Variants in EFCAB6 observed in about 807,000 individuals in gnomAD.
EFCAB6 encodes EF-hand calcium-binding domain-containing protein 6.
Under a neutral mutation model 169.8 loss-of-function variants are expected in EFCAB6, and 156 were observed. The ratio of observed to expected loss-of-function variants is 0.92; its 90% CI spans 0.81 to 1.05. The LOEUF (loss-of-function observed/expected upper bound fraction) is 1.05, where lower values mean the gene tolerates loss of function less well. EFCAB6 is among the 50% of genes least tolerant of loss of function. EFCAB6 has a pLI of 0.00. For synonymous variants in EFCAB6, 698 were observed against 676.4 expected (o/e 1.03, Z -0.50); for missense variants, 1,800 against 1,829.1 (o/e 0.98, Z 0.29).
chr22:43,788,030 G>A (rs879922323), intron 2 of EFCAB6, among the ~76,000 whole-genome samples: 14 of 152,050 alleles, frequency 9.2e-5, no homozygotes, highest in South Asian at 2.1e-4. Context: ...AACGAACAGC[G>A]CCAAAGAGTG....
intron 3 of EFCAB6, among the ~76,000 whole-genome samples, chr22:43,774,563 C>A (rs2061579177): frequency 6.6e-6 from 1 of 151,362 alleles, no homozygotes; most frequent in African/African-American, 2.4e-5. Flanking sequence ...ATGCCCACAG[C>A]CTCAGGGAGG....
At position 43,666,521 on chromosome 22, in the gene EFCAB6, G is replaced by T. The variant is rs992477047; in HGVS notation, c.1983+583C>A. ...AATGCTTTCCTTAAAAATAGCTGAG[G>T]ATGATTAGCTAGAGGGATCGTAATA... On this transcript the variant is annotated intron_variant, in intron 17 of 31. Coordinates refer to ENST00000262726, the MANE Select transcript of EFCAB6 (RefSeq NM_022785.4). Among the ~76,000 whole-genome samples, 20 of 152,134 alleles carry T rather than the reference G, an allele frequency of 1.3e-4. 1 individual carries two copies. The highest frequency in any genetic ancestry group is 5.2e-4 in the Admixed American group (8 of 15,272).
At chr22:43,727,307 G>C (rs564261259) in intron 8 of EFCAB6, among the ~76,000 whole-genome samples, 1 of 152,218 alleles carries the variant, frequency 6.6e-6, no homozygotes, top group East Asian at 1.9e-4. Context: ...GCATGCCTGT[G>C]GTCCTAGCTG....
At chr22:43,644,711 T>C (rs2056043103) in intron 17 of EFCAB6, among the ~76,000 whole-genome samples, 1 of 152,198 alleles carries the variant, frequency 6.6e-6, no homozygotes, top group Non-Finnish European at 1.5e-5. Flanking sequence ...ATGATGACAA[T>C]GATAAGCTGG....
rs6006542 is a variant in EFCAB6, at chr22:43,783,400, G to T, written c.-7-1075C>A. ...TTCCCAGGGAGAGGTGTGTGCTCAGGAAAGACCTGAGAAGGCCCTAACCTC... is the reference window on the plus strand; with the variant it reads ...TTCCCAGGGAGAGGTGTGTGCTCAGTAAAGACCTGAGAAGGCCCTAACCTC... On this transcript the variant is annotated intron_variant, in intron 2 of 31. Coordinates refer to ENST00000262726, the MANE Select transcript of EFCAB6 (RefSeq NM_022785.4). Among the ~76,000 whole-genome samples the T allele has an allele frequency of 4.2e-3, 647 of 152,266 alleles. 8 individuals carry two copies. Among genetic ancestry groups the T allele is most frequent in the African/African-American group, 0.015 (620 of 41,544 alleles).
rs1208347375 is a variant in EFCAB6, at chr22:43,547,694, A to G, written c.3648+7175T>C. ...GTGGGAGGATAGTTTGAGCCAGAGA[A>G]GTTGAGGTTGTAGTGAGCCGTGATC... On this transcript the variant is annotated intron_variant, in intron 27 of 31. Transcript: ENST00000262726. 3.3e-5 allele frequency among the ~76,000 whole-genome samples: 5 copies of G among 151,778 alleles called. No homozygotes were observed. The East Asian group carries it at 5.8e-4, about 18-fold the overall frequency.
Position 43,689,349 on chromosome 22 carries a change from GCACACA to G in EFCAB6, c.1032-1774_1032-1769del, listed in dbSNP as rs3221390. ...GTGGGCCACGTGAGGGAGAGCACGT[GCACACA>G]CACACACACACACACACACACACAG... On this transcript the variant is annotated intron_variant, in intron 10 of 31. Coordinates refer to ENST00000262726, the MANE Select transcript of EFCAB6 (RefSeq NM_022785.4). Among the ~76,000 whole-genome samples the G allele has an allele frequency of 2.1e-3, 312 of 147,068 alleles. 1 individual carries two copies. The highest frequency in any genetic ancestry group is 7.3e-3 in the African/African-American group (286 of 39,294).
chr22:43,609,434 A>G (rs2053152672), intron 21 of EFCAB6, among the ~76,000 whole-genome samples: 2 of 152,236 alleles, frequency 1.3e-5, no homozygotes, highest in Admixed American at 6.5e-5. Context: ...GAATCCACAA[A>G]TAAATTATTA....
intron 20 of EFCAB6, among the ~76,000 whole-genome samples, chr22:43,625,836 CGAA>C (rs974801429): frequency 1.6e-4 from 24 of 152,182 alleles, no homozygotes; most frequent in African/African-American, 5.1e-4. Flanking sequence ...CATCAGTTCC[CGAA>C]GAAGAAGGTT....
intron 4 of EFCAB6, among the ~76,000 whole-genome samples, chr22:43,765,773 C>A (rs2061308724): frequency 6.6e-6 from 1 of 152,028 alleles, no homozygotes. Flanking sequence ...GTCACGTGAA[C>A]TTTGTACACG....
At chr22:43,596,965 AT>A (rs1346774117) in intron 23 of EFCAB6, among the ~76,000 whole-genome samples, 1 of 152,186 alleles carries the variant, frequency 6.6e-6, no homozygotes, top group African/African-American at 2.4e-5. Context: ...CAGCAAATTC[AT>A]TTTTGTCAAA....
chr22:43,598,603 T>C (rs1296975508), intron 23 of EFCAB6, among the ~76,000 whole-genome samples: 1 of 152,184 alleles, frequency 6.6e-6, no homozygotes, highest in Non-Finnish European at 1.5e-5. Flanking sequence ...TATTTCAAAG[T>C]AGCTAGATTT....
chr22:43,772,777 C>G, intron 4 of EFCAB6, 115 bp downstream of exon 4: 1 of 1,123,950 alleles, frequency 8.9e-7, no homozygotes, highest in Non-Finnish European at 1.3e-6. Flanking sequence ...AAAAACAAAA[C>G]TTCAACTGCT....
chr22:43,596,993 A>T (rs1008052828), intron 23 of EFCAB6, among the ~76,000 whole-genome samples: 2 of 152,200 alleles, frequency 1.3e-5, no homozygotes, highest in East Asian at 3.8e-4. Context: ...GAGAACACAC[A>T]CTGGGGAAAG....
chr22:43,714,455 T>C (rs2059262836), intron 9 of EFCAB6, among the ~76,000 whole-genome samples: 1 of 152,056 alleles, frequency 6.6e-6, no homozygotes, highest in Non-Finnish European at 1.5e-5. Flanking sequence ...TCCATCACAC[T>C]GTATTCCAGG....
At chr22:43,561,465 G>T (rs995156820) in intron 26 of EFCAB6, among the ~76,000 whole-genome samples, 6 of 152,064 alleles carry the variant, frequency 3.9e-5, no homozygotes, top group African/African-American at 1.4e-4. Flanking sequence ...CACTGTCATT[G>T]CCTCAGAGCA....
chr22:43,544,061 ACTT>A (rs2047901707), intron 27 of EFCAB6, among the ~76,000 whole-genome samples: 1 of 151,064 alleles, frequency 6.6e-6, no homozygotes, highest in Non-Finnish European at 1.5e-5. Flanking sequence ...CCACACAACT[ACTT>A]CTTCACTCCA....
chr22:43,592,042 G>T (rs2051592235), intron 23 of EFCAB6, among the ~76,000 whole-genome samples: 1 of 152,190 alleles, frequency 6.6e-6, no homozygotes. Context: ...TCCTAGAAAT[G>T]AAATCTTTGG....
chr22:43,808,357 G>A (rs1279004996), intron 2 of EFCAB6, among the ~76,000 whole-genome samples: 1 of 152,192 alleles, frequency 6.6e-6, no homozygotes, highest in Non-Finnish European at 1.5e-5. Flanking sequence ...GGGACCACTG[G>A]AATATCTCTC....
Sources: allele counts gnomAD v4.1 joint callset (sites outside exome capture counted in the v4.1 genomes callset), GRCh38; gene constraint gnomAD v4.1.1; transcripts MANE v1.5; gene names NCBI Gene and HGNC (gene_info 2026-07-23, HGNC 2026-07-21).